KCNH7: variants seen among roughly 807,000 people sequenced by gnomAD.
KCNH7 encodes voltage-gated inwardly rectifying potassium channel KCNH7.
KCNH7 carries 49 observed loss-of-function variants against 120.8 expected under a neutral mutation model. The observed-to-expected ratio is 0.41, with a 90% CI of 0.32 to 0.51. The LOEUF is 0.51. Among genes scored for constraint, KCNH7 ranks in the 20% least tolerant of loss-of-function variants. KCNH7 has a pLI of 0.38. For synonymous variants in KCNH7, 547 were observed against 516.1 expected (o/e 1.06, Z -0.81); for missense variants, 1,097 against 1,446.6 (o/e 0.76, Z 3.92).
chr2:162,737,641 T>C (rs1293033452), intron 2 of KCNH7, among the ~76,000 whole-genome samples: 2 of 152,126 alleles, frequency 1.3e-5, no homozygotes, highest in Non-Finnish European at 1.5e-5. Flanking sequence ...ACAAAAATAA[T>C]AATGTTCAAA....
intron 2 of KCNH7, among the ~76,000 whole-genome samples, chr2:162,621,896 A>C (rs1399160215): frequency 1.3e-5 from 2 of 152,198 alleles, no homozygotes; most frequent in Non-Finnish European, 2.9e-5. Context: ...TGTAGTACAA[A>C]TATTTCTTTT....
intron 2 of KCNH7, among the ~76,000 whole-genome samples, chr2:162,806,086 G>A (rs1057011146): frequency 2.6e-5 from 4 of 152,016 alleles, no homozygotes; most frequent in South Asian, 2.1e-4. Flanking sequence ...CTAAGGAGGG[G>A]GCACGGTGGG....
intron 2 of KCNH7, among the ~76,000 whole-genome samples, chr2:162,776,429 A>G (rs1194019977): frequency 6.6e-6 from 1 of 152,186 alleles, no homozygotes; most frequent in Non-Finnish European, 1.5e-5. Flanking sequence ...AGACATATTG[A>G]TTTGAAGACT....
At chr2:162,832,599 GA>G (rs5835924) in intron 2 of KCNH7, among the ~76,000 whole-genome samples, 10,812 of 152,090 alleles carry the variant, frequency 0.071, 413 homozygotes, top group South Asian at 0.11. Context: ...CTGAGATTTA[GA>G]GGATGGAAAT....
chr2:162,736,518 T>C (rs1403311706), intron 2 of KCNH7, among the ~76,000 whole-genome samples: 1 of 152,160 alleles, frequency 6.6e-6, no homozygotes, highest in Non-Finnish European at 1.5e-5. Flanking sequence ...TGAGAGATTA[T>C]AGATTGAGGA....
At chr2:162,820,481 T>C (rs1363453244) in intron 2 of KCNH7, among the ~76,000 whole-genome samples, 1 of 151,808 alleles carries the variant, frequency 6.6e-6, no homozygotes, top group African/African-American at 2.4e-5. Flanking sequence ...ATACCTCCAT[T>C]GACTTTGCCT....
At chr2:162,806,514 G>A in intron 2 of KCNH7, among the ~76,000 whole-genome samples, 1 of 152,144 alleles carries the variant, frequency 6.6e-6, no homozygotes, top group East Asian at 1.9e-4. Context: ...GTAGAGAGCA[G>A]GCAGTTACCA....
chr2:162,767,922 T>C (rs1296599261), intron 2 of KCNH7, among the ~76,000 whole-genome samples: 2 of 152,172 alleles, frequency 1.3e-5, no homozygotes, highest in Non-Finnish European at 2.9e-5. Context: ...ATTTATAAAG[T>C]CCTATGCTGT....
At chr2:162,499,439 T>C (rs1440866651) in intron 6 of KCNH7, among the ~76,000 whole-genome samples, 1 of 152,080 alleles carries the variant, frequency 6.6e-6, no homozygotes, top group Non-Finnish European at 1.5e-5. Flanking sequence ...CATCAGCCTT[T>C]ACTGGCTGGA....
At chr2:162,378,246 AG>A (rs1686285303) in intron 14 of KCNH7, among the ~76,000 whole-genome samples, 1 of 152,218 alleles carries the variant, frequency 6.6e-6, no homozygotes, top group Non-Finnish European at 1.5e-5. Context: ...GGTAGGTATG[AG>A]TCAAAGTAGG....
intron 2 of KCNH7, among the ~76,000 whole-genome samples, chr2:162,775,206 A>C (rs1205752034): frequency 6.6e-6 from 1 of 152,156 alleles, no homozygotes; most frequent in African/African-American, 2.4e-5. Context: ...TTAGTAAAAA[A>C]AAATTATCTG....
At chr2:162,537,852 A>G (rs1692163157) in intron 2 of KCNH7, among the ~76,000 whole-genome samples, 1 of 152,112 alleles carries the variant, frequency 6.6e-6, no homozygotes, top group Admixed American at 6.5e-5. Context: ...GTCTTCCAAC[A>G]GAAACCCACA....
chr2:162,423,215 C>T (rs967523648), intron 9 of KCNH7, 121 bp downstream of exon 9: 14 of 1,578,122 alleles, frequency 8.9e-6, no homozygotes, highest in Non-Finnish European at 1.2e-5. Context: ...GGAGAAAATA[C>T]ACATCCGAGA....
intron 2 of KCNH7, among the ~76,000 whole-genome samples, chr2:162,569,010 C>A (rs913913089): frequency 6.6e-6 from 1 of 152,018 alleles, no homozygotes; most frequent in Non-Finnish European, 1.5e-5. Context: ...TGTGTCTCTG[C>A]CCGGCTTTGG....
intron 2 of KCNH7, among the ~76,000 whole-genome samples, chr2:162,632,090 C>T (rs186184482): frequency 6.6e-6 from 1 of 151,708 alleles, no homozygotes; most frequent in Non-Finnish European, 1.5e-5. Flanking sequence ...AAAAGCTGCC[C>T]GTATTTGGAG....
intron 2 of KCNH7, among the ~76,000 whole-genome samples, chr2:162,684,150 A>C (rs2105317529): frequency 6.6e-6 from 1 of 152,318 alleles, no homozygotes; most frequent in East Asian, 1.9e-4. Flanking sequence ...AGCCATATGC[A>C]GAAAACTGTA....
intron 2 of KCNH7, chr2:162,784,534 G>A (rs1036991675): frequency 2.6e-5 from 4 of 152,102 alleles, no homozygotes; most frequent in African/African-American, 9.7e-5. Flanking sequence ...GAGCACTGAA[G>A]AATTAACTTC....
In KCNH7 at chr2:162,610,736, T is replaced by C. The variant is rs187149559; in HGVS notation, c.308-73656A>G. Among the ~76,000 whole-genome samples, 6 of 152,310 alleles carry C rather than the reference T, an allele frequency of 3.9e-5. No homozygotes were observed. The East Asian group carries it at 1.2e-3, about 29-fold the overall frequency. On this transcript the variant is annotated intron_variant, in intron 2 of 15. Coordinates refer to ENST00000332142, the MANE Select transcript of KCNH7 (RefSeq NM_033272.4). ...TATAACTGGGTTAATATTCTGAAAATTAGTAATGTGTTTTCTTTTTCACCT... is the reference window on the plus strand; with the variant it reads ...TATAACTGGGTTAATATTCTGAAAACTAGTAATGTGTTTTCTTTTTCACCT...
In KCNH7 at chr2:162,572,913, C is replaced by T. The variant is rs536008731; in HGVS notation, c.308-35833G>A. Among the ~76,000 whole-genome samples the T allele has an allele frequency of 1.5e-4, 23 of 151,926 alleles. 1 individual carries two copies. The highest frequency in any genetic ancestry group is 1.4e-3 in the East Asian group (7 of 5,138). On this transcript the variant is annotated intron_variant, in intron 2 of 15. Coordinates refer to ENST00000332142, the MANE Select transcript of KCNH7 (RefSeq NM_033272.4). ...GGACTGTTGTGGGGTGGGAGAAGGG[C>T]GGAGGGATAGCATTGGGAGATATAC...
Sources: allele counts gnomAD v4.1 joint callset (sites outside exome capture counted in the v4.1 genomes callset), GRCh38; gene constraint gnomAD v4.1.1; transcripts MANE v1.5; gene names NCBI Gene and HGNC (gene_info 2026-07-23, HGNC 2026-07-21).